Variants in DOCK9 observed in about 807,000 individuals in gnomAD.
The protein encoded by DOCK9 is dedicator of cytokinesis protein 9.
Under a neutral mutation model 263.3 loss-of-function variants are expected in DOCK9, and 89 were observed. The ratio of observed to expected loss-of-function variants is 0.34; its 90% confidence interval spans 0.28 to 0.40. The LOEUF (loss-of-function observed/expected upper bound fraction) is 0.40, where lower values mean the gene tolerates loss of function less well. Ranked by LOEUF, DOCK9 falls within the 10% of genes least tolerant of loss-of-function variation. The pLI is 1.00. For synonymous variants in DOCK9, 976 were observed against 973.1 expected (o/e 1.00, Z -0.06); for missense variants, 2,140 against 2,603.4 (o/e 0.82, Z 3.87).
At chr13:98,971,881 C>G (rs1195109346) in intron 1 of DOCK9, among the ~76,000 whole-genome samples, 1 of 152,204 alleles carries the variant, frequency 6.6e-6, no homozygotes, top group African/African-American at 2.4e-5. Context: ...CACATGACCA[C>G]CATTGTCTTC....
intron 3 of DOCK9, among the ~76,000 whole-genome samples, chr13:98,928,701 T>TA (rs2053442057): frequency 6.6e-6 from 1 of 152,230 alleles, no homozygotes; most frequent in African/African-American, 2.4e-5. Context: ...ACAGTAGCCA[T>TA]AGGCAATATG....
chr13:98,975,472 T>TACACACACCC (rs2060171717), intron 1 of DOCK9, among the ~76,000 whole-genome samples: 1 of 142,414 alleles, frequency 7.0e-6, no homozygotes, highest in Non-Finnish European at 1.5e-5. Context: ...TCTAAACACA[T>TACACACACCC]ACACACACAC....
At chr13:99,063,117 T>C (rs1755779753) in intron 1 of DOCK9, among the ~76,000 whole-genome samples, 1 of 152,294 alleles carries the variant, frequency 6.6e-6, no homozygotes, top group South Asian at 2.1e-4. Flanking sequence ...TATGTCAGAA[T>C]ATTAGAGAAG....
intron 1 of DOCK9, among the ~76,000 whole-genome samples, chr13:99,074,425 G>A (rs1428099154): frequency 2.0e-5 from 3 of 152,092 alleles, no homozygotes; most frequent in African/African-American, 4.8e-5. Flanking sequence ...ACTTTTTACC[G>A]CAATAAGCAA....
intron 1 of DOCK9, among the ~76,000 whole-genome samples, chr13:99,077,397 G>C (rs2041952585): frequency 6.6e-6 from 1 of 152,032 alleles, no homozygotes; most frequent in Non-Finnish European, 1.5e-5. Flanking sequence ...CTCTCCCTTT[G>C]CTCTTCCCTT....
intron 1 of DOCK9, among the ~76,000 whole-genome samples, chr13:99,056,639 T>A (rs1596000494): frequency 1.3e-5 from 2 of 152,348 alleles, no homozygotes; most frequent in Admixed American, 1.3e-4. Context: ...CCACCAATTC[T>A]ATTTTCTCAG....
intron 2 of DOCK9, chr13:98,949,672 C>T (rs575261347): frequency 1.1e-5 from 2 of 185,648 alleles, no homozygotes; most frequent in African/African-American, 4.7e-5. Context: ...TCCAAAAAAA[C>T]CCAAAACACA....
At chr13:99,082,048 T>C (rs542165663) in intron 1 of DOCK9, among the ~76,000 whole-genome samples, 108 of 151,878 alleles carry the variant, frequency 7.1e-4, no homozygotes, top group African/African-American at 2.5e-3. Context: ...CAAAACCCCA[T>C]CTCTAAAAAA....
At chr13:98,860,344 T>C (rs2093824543) in intron 33 of DOCK9, 61 bp downstream of exon 33, 2 of 1,549,702 alleles carry the variant, frequency 1.3e-6, no homozygotes, top group African/African-American at 2.7e-5. Context: ...CACCAACTAT[T>C]GGCTCCAAGA....
intron 1 of DOCK9, among the ~76,000 whole-genome samples, chr13:99,007,426 T>TA (rs1238025951): frequency 6.6e-6 from 1 of 151,774 alleles, no homozygotes; most frequent in Admixed American, 6.6e-5. Context: ...ATTTAAAAAT[T>TA]AAAAAATAAA....
chr13:99,012,856 A>G (rs1884750256), intron 1 of DOCK9, among the ~76,000 whole-genome samples: 2 of 152,176 alleles, frequency 1.3e-5, no homozygotes, highest in African/African-American at 4.8e-5. Flanking sequence ...GCTCAGAGAG[A>G]TCATTAACAG....
At chr13:99,068,439 G>A (rs774321213) in intron 1 of DOCK9, among the ~76,000 whole-genome samples, 74 of 152,154 alleles carry the variant, frequency 4.9e-4, no homozygotes, top group Non-Finnish European at 7.2e-4. Flanking sequence ...CAGAAAATTA[G>A]CTGGGCACAG....
chr13:98,893,484 C>T (rs969890729), intron 15 of DOCK9, among the ~76,000 whole-genome samples: 14 of 152,228 alleles, frequency 9.2e-5, no homozygotes, highest in Non-Finnish European at 1.8e-4. Flanking sequence ...AAAATGTTAG[C>T]AATATCATCT....
intron 37 of DOCK9, chr13:98,846,818 C>T (rs1433224870): frequency 6.0e-5 from 21 of 351,688 alleles, no homozygotes; most frequent in South Asian, 3.4e-4. Context: ...TCATCAAACT[C>T]GACCACCGTG....
At chr13:99,027,428 C>T (rs1412322916) in intron 1 of DOCK9, among the ~76,000 whole-genome samples, 1 of 152,124 alleles carries the variant, frequency 6.6e-6, no homozygotes, top group Non-Finnish European at 1.5e-5. Flanking sequence ...AGAAGCCCAT[C>T]CTCATGCTCA....
intron 3 of DOCK9, among the ~76,000 whole-genome samples, chr13:98,929,324 C>CTTGA (rs548673460): frequency 4.6e-4 from 70 of 152,274 alleles, no homozygotes; most frequent in African/African-American, 1.6e-3. Flanking sequence ...GGGCAGATCA[C>CTTGA]TTGAGGTCAG....
At chr13:98,846,894 T>C (rs1322147148) in intron 37 of DOCK9, 1 of 321,480 alleles carries the variant, frequency 3.1e-6, no homozygotes, top group Non-Finnish European at 6.0e-6. Flanking sequence ...CAGAGAACCA[T>C]GGCAATTTTT....
chr13:98,945,674 T>A (rs549863776), intron 2 of DOCK9, among the ~76,000 whole-genome samples: 1 of 152,236 alleles, frequency 6.6e-6, no homozygotes, highest in African/African-American at 2.4e-5. Flanking sequence ...ACAAGGCTAA[T>A]TGTTTTCACT....
intron 15 of DOCK9, among the ~76,000 whole-genome samples, chr13:98,889,706 C>G (rs572576735): frequency 6.6e-6 from 1 of 152,210 alleles, no homozygotes; most frequent in African/African-American, 2.4e-5. Context: ...GTTCCTCTAT[C>G]TTTCAACCAC....
Sources: allele counts gnomAD v4.1 joint callset (sites outside exome capture counted in the v4.1 genomes callset), GRCh38; gene constraint gnomAD v4.1.1; transcripts MANE v1.5; gene names NCBI Gene and HGNC (gene_info 2026-07-23, HGNC 2026-07-21).